Variants in GDAP2 observed in about 807,000 individuals in gnomAD.
GDAP2 encodes ganglioside-induced differentiation-associated protein 2.
GDAP2 carries 51 observed loss-of-function variants against 67.0 expected under a neutral mutation model. That is an observed-to-expected ratio of 0.76 (90% CI 0.61 to 0.96). GDAP2 has a LOEUF of 0.96. Among genes scored for constraint, GDAP2 ranks in the 40% least tolerant of loss-of-function variants. The pLI is 0.00. For synonymous variants in GDAP2, 203 were observed against 207.3 expected, an observed-to-expected ratio of 0.98 and a Z score of 0.18; for missense variants, 547 against 588.3, an observed-to-expected ratio of 0.93 and a Z score of 0.73.
Position 117,915,382 on chromosome 1 carries a change from C to A in GDAP2, c.317-2699G>T, listed in dbSNP as rs187332625. 1.1e-3 allele frequency among the ~76,000 whole-genome samples: 168 copies of A among 152,242 alleles called. 2 individuals are homozygous for A. Among genetic ancestry groups the A allele is most frequent in the African/African-American group, 3.9e-3 (160 of 41,532 alleles). On this transcript the variant is annotated intron_variant, in intron 3 of 13. Coordinates refer to ENST00000369443, the MANE Select transcript of GDAP2 (RefSeq NM_017686.4). ...GTGCTGGATTACAAAATACCACACA[C>A]ACAGAGACAAATTAATAAACATAAC...
intron 6 of GDAP2, among the ~76,000 whole-genome samples, chr1:117,900,023 TAA>T (rs1337019189): frequency 2.0e-5 from 3 of 152,192 alleles, no homozygotes; most frequent in Non-Finnish European, 4.4e-5. Flanking sequence ...AATACATATA[TAA>T]GATTGCAGAC....
At chr1:117,928,305 T>G (rs1215864143) in intron 1 of GDAP2, among the ~76,000 whole-genome samples, 1 of 152,252 alleles carries the variant, frequency 6.6e-6, no homozygotes, top group Non-Finnish European at 1.5e-5. Context: ...AGCATTGATG[T>G]CACTTACCTA....
At chr1:117,898,524 C>T (rs1557802264) in intron 7 of GDAP2, among the ~76,000 whole-genome samples, 2 of 152,258 alleles carry the variant, frequency 1.3e-5, no homozygotes, top group Non-Finnish European at 2.9e-5. Context: ...AGGCATATCT[C>T]CACAGAAGGG....
chr1:117,876,044 G>A lies in GDAP2; in HGVS notation c.1446+1965C>T, dbSNP rs1570963753. 3.9e-5 allele frequency among the ~76,000 whole-genome samples: 6 copies of A among 152,204 alleles called. No individual in the cohort carries two copies. In the South Asian group the frequency reaches 1.2e-3, roughly 32 times the overall value. ...ATTTTGCATGAGGGAAGAACATGAG[G>A]TTTGGGTGGCTAGGGGCAAAATGCT... On this transcript the variant is annotated intron_variant, in intron 13 of 13. Transcript: ENST00000369443.
rs1648016037 is a variant in GDAP2 at position 117,865,112 on chromosome 1, T to G, written c.*5457A>C. 6.6e-6 allele frequency: 1 copy of G among 152,216 alleles called. No homozygotes were observed. The highest frequency in any genetic ancestry group is 2.1e-4 in the South Asian group (1 of 4,834). The allele number at this position is 152,216 out of a possible 1,614,324, so 9.4% of individuals were successfully genotyped here. Reference sequence around the variant, plus strand: ...CATTTAATAATATCCTCAGCTGATTTGATACATGCACATGAAAGTTTGGGA... The same window carrying G: ...CATTTAATAATATCCTCAGCTGATTGGATACATGCACATGAAAGTTTGGGA... On this transcript the variant is annotated 3_prime_UTR_variant, in exon 14 of 14. Coordinates refer to ENST00000369443, the MANE Select transcript of GDAP2 (RefSeq NM_017686.4).
intron 6 of GDAP2, 68 bp downstream of exon 6, chr1:117,906,438 T>A (rs1649662265): frequency 1.2e-6 from 1 of 825,034 alleles, no homozygotes. Context: ...AAATATGTAG[T>A]GACAAGCCAA....
chr1:117,876,278 T>G (rs1648451649), intron 13 of GDAP2, among the ~76,000 whole-genome samples: 1 of 152,044 alleles, frequency 6.6e-6, no homozygotes, highest in Admixed American at 6.6e-5. Flanking sequence ...CTCCCTTCCC[T>G]CTCTCTTGCT....
Position 117,886,593 on chromosome 1 carries a change from A to C in GDAP2, c.1091T>G (p.Leu364Ter). 1 of 1,553,252 alleles carries C rather than the reference A, an allele frequency of 6.4e-7. No individual in the cohort carries two copies. The highest frequency in any genetic ancestry group is 1.4e-5 in the African/African-American group (1 of 73,784). ...ATGGCTTACCTTGTCCATATCTATT[A>C]ATGTTACAGGAATGTTTCTTCCAAC... ...VVVGRNIPVT[L>*]IDMDKALLYF... The change falls in exon 10 of 14, where the codon TTA becomes TGA. Residue 364 changes from leucine to a stop codon, truncating the protein, a stop_gained. Coordinates refer to ENST00000369443, the MANE Select transcript of GDAP2 (RefSeq NM_017686.4). LOFTEE classifies it high-confidence loss of function.
At chr1:117,927,662 T>G (rs78345757) in intron 1 of GDAP2, among the ~76,000 whole-genome samples, 2,027 of 152,330 alleles carry the variant, frequency 0.013, 37 homozygotes, top group South Asian at 0.092. Flanking sequence ...AAGAATCATT[T>G]TATGCCATCA....
chr1:117,905,190 A>G (rs1649614781), intron 6 of GDAP2, among the ~76,000 whole-genome samples: 1 of 152,150 alleles, frequency 6.6e-6, no homozygotes, highest in African/African-American at 2.4e-5. Flanking sequence ...ATCATCCTCC[A>G]CACAGCTAAA....
intron 8 of GDAP2, among the ~76,000 whole-genome samples, chr1:117,893,887 C>T (rs1367398675): frequency 6.6e-6 from 1 of 151,990 alleles, no homozygotes; most frequent in Non-Finnish European, 1.5e-5. Flanking sequence ...GAAATAAAAA[C>T]AGAGAAATTT....
intron 3 of GDAP2, among the ~76,000 whole-genome samples, chr1:117,917,530 T>C (rs1377775655): frequency 6.6e-6 from 1 of 152,218 alleles, no homozygotes; most frequent in South Asian, 2.1e-4. Flanking sequence ...TCTTACTATA[T>C]GTCAGGAACT....
intron 1 of GDAP2, among the ~76,000 whole-genome samples, chr1:117,929,212 A>G (rs546989688): frequency 6.6e-6 from 1 of 152,286 alleles, no homozygotes; most frequent in East Asian, 1.9e-4. Context: ...CACTGTTCCT[A>G]GTGCCCGCCG....
chr1:117,891,839 C>T (rs1022835092), intron 8 of GDAP2, among the ~76,000 whole-genome samples: 7 of 152,076 alleles, frequency 4.6e-5, no homozygotes, highest in African/African-American at 1.7e-4. Flanking sequence ...ACTTCTTCCA[C>T]AGGTTTCAGA....
chr1:117,893,158 CA>C (rs1649150150), intron 8 of GDAP2, among the ~76,000 whole-genome samples: 1 of 152,004 alleles, frequency 6.6e-6, no homozygotes, highest in South Asian at 2.1e-4. Context: ...AGAAAAATGA[CA>C]TAAGAGTCAC....
intron 2 of GDAP2, among the ~76,000 whole-genome samples, 179 bp downstream of exon 2, chr1:117,920,003 T>C (rs947130285): frequency 6.6e-6 from 1 of 152,276 alleles, no homozygotes; most frequent in African/African-American, 2.4e-5. Context: ...TTAACAGAAG[T>C]CAAAACTTAT....
rs761892563 is a variant in GDAP2 at position 117,920,362 on chromosome 1, T to C, written c.-5A>G. 5.7e-6 allele frequency: 9 copies of C among 1,578,750 alleles called. No homozygotes were observed. The South Asian group carries it at 5.9e-5, about 10-fold the overall frequency. The stretch of plus-strand genomic sequence containing the variant: ...AGGTGCACCTAAGGGATCCATGGAA[T>C]GGGAACTTTGATTTGTCTTTTCCCA... On this transcript the variant is annotated 5_prime_UTR_variant, in exon 2 of 14. Transcript: ENST00000369443.
intron 10 of GDAP2, among the ~76,000 whole-genome samples, chr1:117,885,151 C>A (rs555089555): frequency 4.9e-4 from 74 of 152,160 alleles, no homozygotes; most frequent in Non-Finnish European, 8.7e-4. Flanking sequence ...AACTACCACA[C>A]CTGGCTGTGT....
At chr1:117,904,061 A>T (rs1449207655) in intron 6 of GDAP2, among the ~76,000 whole-genome samples, 1 of 150,574 alleles carries the variant, frequency 6.6e-6, no homozygotes, top group Non-Finnish European at 1.5e-5. Flanking sequence ...ATCTCAGCTC[A>T]CTGCAACTTC....
Sources: allele counts gnomAD v4.1 joint callset (sites outside exome capture counted in the v4.1 genomes callset), GRCh38; gene constraint gnomAD v4.1.1; transcripts MANE v1.5; gene names NCBI Gene and HGNC (gene_info 2026-07-23, HGNC 2026-07-21).